SNX24: variants seen among roughly 807,000 people sequenced by gnomAD.
SNX24 encodes sorting nexin-24.
A neutral mutation model predicts 28.7 loss-of-function variants in SNX24; 22 were observed. The ratio of observed to expected loss-of-function variants is 0.77; its 90% CI spans 0.55 to 1.10. SNX24 has a LOEUF of 1.10. SNX24 is among the 50% of genes least tolerant of loss of function. The pLI is 0.00. For missense variants in SNX24, 221 were observed against 201.1 expected (o/e 1.10, Z -0.60); for synonymous variants, 69 against 71.5 (o/e 0.96, Z 0.18).
intron 1 of SNX24, among the ~76,000 whole-genome samples, chr5:122,933,320 G>A (rs1759042114): frequency 6.6e-6 from 1 of 152,214 alleles, no homozygotes; most frequent in Non-Finnish European, 1.5e-5. Context: ...CACTCCTTGG[G>A]TAGTTTACCC....
At chr5:122,848,230 G>A (rs1025918991) in intron 1 of SNX24, among the ~76,000 whole-genome samples, 2 of 152,112 alleles carry the variant, frequency 1.3e-5, no homozygotes, top group Admixed American at 6.5e-5. Context: ...GGCCTCTTGA[G>A]TAGCACAGGC....
intron 1 of SNX24, among the ~76,000 whole-genome samples, chr5:122,862,205 T>C (rs1361745840): frequency 1.3e-5 from 2 of 152,098 alleles, no homozygotes; most frequent in Admixed American, 1.3e-4. Context: ...GTGGTTACAG[T>C]GGGACTGAAG....
At chr5:122,994,191 A>G (rs576854514) in intron 3 of SNX24, among the ~76,000 whole-genome samples, 18 of 152,182 alleles carry the variant, frequency 1.2e-4, no homozygotes, top group Non-Finnish European at 1.9e-4. Context: ...CATTCCTGTT[A>G]TAATTGGCTG....
intron 2 of SNX24, among the ~76,000 whole-genome samples, chr5:122,945,641 T>G (rs543744793): frequency 6.6e-6 from 1 of 152,350 alleles, no homozygotes; most frequent in South Asian, 2.1e-4. Context: ...CAGTTGCATT[T>G]TGTTTTGATT....
chr5:123,005,507 C>T (rs901683799), intron 6 of SNX24, among the ~76,000 whole-genome samples: 1 of 152,148 alleles, frequency 6.6e-6, no homozygotes, highest in Admixed American at 6.5e-5. Context: ...ATGTTACCAG[C>T]GCAGTAGAGT....
Position 122,845,645 on chromosome 5 carries a change from C to T in SNX24, c.12C>T (p.Tyr4=), listed in dbSNP as rs1754582970. Residue 4 remains tyrosine (Y), a synonymous_variant, in exon 1 of 7, where the codon TAC becomes TAT. Coordinates refer to ENST00000261369, the MANE Select transcript of SNX24 (RefSeq NM_014035.4). ...TGGCCGGCGCGGCCATGGAGGTCTA[C>T]ATCCCGTCCTTTCGCTATGAAGAGA... is the stretch of plus-strand genomic sequence containing the variant. MEV[Y]IPSFRYEESD... is the part of the protein sequence containing the mutation. The T allele has an allele frequency of 1.4e-6, 2 of 1,431,234 alleles. No individual in the cohort carries two copies. The highest frequency in any genetic ancestry group is 3.3e-5 in the South Asian group (2 of 61,220). The allele number at this position is 1,431,234 out of a possible 1,614,324, so 88.7% of individuals were successfully genotyped here. A position where few individuals can be genotyped will look rare whatever the true frequency, so the allele number is the denominator to read the frequency against.
At chr5:122,969,341 G>C (rs1333415592) in intron 3 of SNX24, among the ~76,000 whole-genome samples, 16 of 152,088 alleles carry the variant, frequency 1.1e-4, no homozygotes, top group Non-Finnish European at 1.9e-4. Context: ...TTGTGGCAAT[G>C]GAGTTAAGGT....
In SNX24 at chr5:122,973,212, G is replaced by A. The variant is rs193035820; in HGVS notation, c.250-26700G>A. ...TCTTTGTCACCAATTTTCCAATCAT[G>A]CTTCTTCCAAGTCCCTGACCATCAA... On this transcript the variant is annotated intron_variant, in intron 3 of 6. Transcript: ENST00000261369. Among the ~76,000 whole-genome samples, 643 of 152,294 alleles carry A rather than the reference G, an allele frequency of 4.2e-3. 16 individuals carry two copies. The highest frequency in any genetic ancestry group is 2.7e-3 in the East Asian group (14 of 5,184).
At chr5:122,934,497 C>A (rs1156835222) in intron 1 of SNX24, among the ~76,000 whole-genome samples, 1 of 151,956 alleles carries the variant, frequency 6.6e-6, no homozygotes, top group Non-Finnish European at 1.5e-5. Context: ...GCAGCTGGAT[C>A]TACAGGCACA....
At chr5:122,892,278 G>A (rs1393215711) in intron 1 of SNX24, among the ~76,000 whole-genome samples, 1 of 151,918 alleles carries the variant, frequency 6.6e-6, no homozygotes, top group African/African-American at 2.4e-5. Flanking sequence ...TGAAGCCTCA[G>A]AAAGTTAGTT....
At chr5:123,011,395 G>T (rs922795688), downstream of SNX24, among the ~76,000 whole-genome samples, 1 of 152,064 alleles carries the variant, frequency 6.6e-6, no homozygotes, top group Non-Finnish European at 1.5e-5. Flanking sequence ...TGGTGTCCTT[G>T]TTACTGCCCC....
chr5:122,878,325 A>G (rs1391857259), intron 1 of SNX24, among the ~76,000 whole-genome samples: 1 of 152,092 alleles, frequency 6.6e-6, no homozygotes, highest in Admixed American at 6.6e-5. Flanking sequence ...GGTCAGGAGA[A>G]TGAGGTGGAG....
At chr5:122,905,419 G>A (rs1435595946) in intron 1 of SNX24, among the ~76,000 whole-genome samples, 1 of 152,204 alleles carries the variant, frequency 6.6e-6, no homozygotes, top group Non-Finnish European at 1.5e-5. Flanking sequence ...CACTCAGGAG[G>A]CTTAGGAAAT....
intron 1 of SNX24, among the ~76,000 whole-genome samples, chr5:122,853,454 A>T (rs1419340985): frequency 6.6e-6 from 1 of 152,142 alleles, no homozygotes; most frequent in African/African-American, 2.4e-5. Context: ...AAGGACAAGA[A>T]ATACCGTTTG....
chr5:122,909,496 A>G (rs2150087427), intron 1 of SNX24, among the ~76,000 whole-genome samples: 1 of 152,342 alleles, frequency 6.6e-6, no homozygotes, highest in African/African-American at 2.4e-5. Flanking sequence ...AGATAAGTCC[A>G]GGGTCTGAGT....
intron 1 of SNX24, among the ~76,000 whole-genome samples, chr5:122,858,668 G>A (rs542737966): frequency 5.9e-4 from 90 of 152,304 alleles, no homozygotes; most frequent in African/African-American, 2.1e-3. Context: ...TCACAAGCTT[G>A]CCAACTGAGT....
At chr5:122,946,893 G>A (rs1416557487) in intron 3 of SNX24, among the ~76,000 whole-genome samples, 1 of 152,186 alleles carries the variant, frequency 6.6e-6, no homozygotes, top group South Asian at 2.1e-4. Flanking sequence ...AGGAGCTGGG[G>A]TGGGCAGGCC....
intron 2 of SNX24, among the ~76,000 whole-genome samples, chr5:122,940,696 C>T (rs1296116141): frequency 2.6e-5 from 4 of 152,130 alleles, no homozygotes; most frequent in Non-Finnish European, 4.4e-5. Flanking sequence ...CCCAGCCTCC[C>T]GAGTAGCTAA....
At chr5:122,946,199 A>G in intron 3 of SNX24, 40 bp downstream of exon 3, 1 of 1,167,476 alleles carries the variant, frequency 8.6e-7, no homozygotes, top group Admixed American at 1.8e-5. Context: ...TAACATAAAT[A>G]ATCATATGTC....
Sources: allele counts gnomAD v4.1 joint callset (sites outside exome capture counted in the v4.1 genomes callset), GRCh38; gene constraint gnomAD v4.1.1; transcripts MANE v1.5; gene names NCBI Gene and HGNC (gene_info 2026-07-23, HGNC 2026-07-21).